Variants in NCL observed in about 807,000 individuals in gnomAD.
NCL encodes nucleolin multifunctional protein.
NCL carries 4 observed loss-of-function variants against 77.7 expected under a neutral mutation model. The ratio of observed to expected loss-of-function variants is 0.05; its 90% CI spans 0.03 to 0.12. The LOEUF is 0.12. Among genes scored for constraint, NCL ranks in the 10% least tolerant of loss-of-function variants. The probability of loss-of-function intolerance (pLI) is 1.00; values close to 1 mark genes in which losing one functional copy is unlikely to be tolerated. For synonymous variants in NCL, 344 were observed against 297.8 expected (o/e 1.16, Z -1.60); for missense variants, 763 against 860.9 (o/e 0.89, Z 1.42).
At position 231,457,777 on chromosome 2, in the gene NCL, G is replaced by A; in HGVS notation, c.1313C>T (p.Thr438Ile). 1 of 1,610,356 alleles carries A rather than the reference G, an allele frequency of 6.2e-7. No individual in the cohort carries two copies. The highest frequency in any genetic ancestry group is 8.5e-7 in the Non-Finnish European group (1 of 1,178,426). Residue 438 changes from threonine (T) to isoleucine (I), a missense_variant, in exon 9 of 14, where the codon ACA (threonine) becomes ATA (isoleucine). Around this residue, in one of 2 missense-constraint regions of NCL, gnomAD observed 590 missense variants for 570.5 expected, o/e 1.03. Transcript: ENST00000322723. ...SKGIAYIEFK[T>I]EADAEKTFEE... ...AAAGGTTTTCTCTGCATCAGCTTCT[G>A]TCTTAAATTCAATATAAGCAATCCT...
rs774489249 is a variant in NCL, at chr2:231,463,335, G to C, written c.19-19C>G. 6 of 1,468,048 alleles carry C rather than the reference G, an allele frequency of 4.1e-6. No individual in the cohort carries two copies. Among genetic ancestry groups the C allele is most frequent in the African/African-American group, 1.4e-5 (1 of 71,548 alleles). 90.9% of individuals were successfully genotyped at this position (1,468,048 alleles called of 1,614,324 possible). ...TACCTGCCTAAAATGGACACAAATA[G>C]ATCATTACACCTCCACCTCGACATT... On this transcript the variant is annotated intron_variant, in intron 1 of 13. Coordinates refer to ENST00000322723, the MANE Select transcript of NCL (RefSeq NM_005381.3).
chr2:231,464,025 G>C, intron 1 of NCL: 1 of 950,552 alleles, frequency 1.1e-6, no homozygotes, highest in Non-Finnish European at 1.3e-6. Flanking sequence ...GTCAGGAGTC[G>C]AGTCCCAGCT....
At chr2:231,456,239 T>G (rs181415034) in intron 11 of NCL, 103 bp from the exon 12 acceptor site, 1 of 1,471,190 alleles carries the variant, frequency 6.8e-7, no homozygotes, top group Non-Finnish European at 9.2e-7. Context: ...CTTGTTATAG[T>G]GAAAAAGCAG....
In NCL at chr2:231,459,005, C is replaced by A. The variant is rs1049612756; in HGVS notation, c.1161G>T (p.Lys387Asn). The change falls in exon 7 of 14, where the codon AAG (lysine) becomes AAT (asparagine). Residue 387 changes from lysine to asparagine, a missense_variant. Lys to Asn is a moderately conservative substitution (Grantham distance 94). Around this residue, in one of 2 missense-constraint regions of NCL, gnomAD observed 590 missense variants for 570.5 expected, o/e 1.03. Coordinates refer to ENST00000322723, the MANE Select transcript of NCL (RefSeq NM_005381.3). ...KLEKPKGKDSKKERDARTLLA... is the reference protein window; with the variant it reads ...KLEKPKGKDSNKERDARTLLA... ...ATCTCATAAAGCCTTACATACCTTT[C>A]TTACTGTCTTTTCCTTTTGGTTTCT... The A allele has an allele frequency of 6.3e-7, 1 of 1,588,566 alleles. No homozygotes were observed. Among genetic ancestry groups the A allele is most frequent in the South Asian group, 1.2e-5 (1 of 86,300 alleles).
chr2:231,458,636 A>G (rs950645768), intron 7 of NCL: 39 of 512,440 alleles, frequency 7.6e-5, no homozygotes, highest in African/African-American at 3.1e-4. Flanking sequence ...GTAGACGCGC[A>G]TAACAAAAAA....
chr2:231,460,363 T>C, intron 5 of NCL, 70 bp from the exon 6 acceptor site: 1 of 1,603,494 alleles, frequency 6.2e-7, no homozygotes, highest in Non-Finnish European at 8.5e-7. Context: ...GCAAAATTTC[T>C]ATACACAGCA....
At chr2:231,455,879 TTC>T in intron 12 of NCL, 129 bp downstream of exon 12, 1 of 1,421,312 alleles carries the variant, frequency 7.0e-7, no homozygotes, top group Non-Finnish European at 9.9e-7. Context: ...TTCTCTCTTC[TTC>T]TCGTGCGAAT....
chr2:231,456,446 G>A (rs199970658), intron 11 of NCL, 185 bp downstream of exon 11: 118 of 1,138,100 alleles, frequency 1.0e-4, no homozygotes, highest in African/African-American at 1.8e-4. Context: ...TGACACAGCT[G>A]GATCAGAACT....
chr2:231,455,350 A>T, intron 13 of NCL, 51 bp downstream of exon 13: 1 of 1,613,366 alleles, frequency 6.2e-7, no homozygotes, highest in South Asian at 1.1e-5. Context: ...GACAGGGCAC[A>T]GGGTCTGAAG....
rs375808034 is a variant in NCL, at chr2:231,460,822, T to G, written c.658A>C (p.Lys220Gln). 7 of 1,614,070 alleles carry G rather than the reference T, an allele frequency of 4.3e-6. No individual in the cohort carries two copies. In the South Asian group the frequency reaches 4.4e-5, roughly 10 times the overall value. Residue 220 changes from lysine to glutamine, a missense_variant, in exon 4 of 14, where the codon AAA (lysine) becomes CAA (glutamine). Physicochemically the swap from Lys to Gln is moderately conservative, Grantham distance 53. Transcript: ENST00000322723. The stretch of plus-strand genomic sequence containing the variant: ...TTCACAGGAACAACTTTTGCAGCTT[T>G]CTTTCCTTTGGCTGGTGTAGTCTCC... Reference protein sequence around the residue: ...AMETTPAKGKKAAKVVPVKAK... With the variant: ...AMETTPAKGKQAAKVVPVKAK...
Position 231,457,140 on chromosome 2 carries a change from C to T in NCL, c.1448-16G>A, listed in dbSNP as rs747287960. On this transcript the variant is annotated splice_polypyrimidine_tract_variant and intron_variant, in intron 9 of 13. Coordinates refer to ENST00000322723, the MANE Select transcript of NCL (RefSeq NM_005381.3). ...TTTGATTCACCTGCAAATAGAGATGCCACATTCCTAAGACTCTGAAACAGT... is the reference window on the plus strand; with the variant it reads ...TTTGATTCACCTGCAAATAGAGATGTCACATTCCTAAGACTCTGAAACAGT... The T allele has an allele frequency of 1.2e-5, 20 of 1,613,382 alleles. No homozygotes were observed. The African/African-American group carries it at 1.7e-4, about 14-fold the overall frequency.
At chr2:231,463,443 CAACT>C (rs1473637509) in intron 1 of NCL, 127 bp from the exon 2 acceptor site, 1 of 737,310 alleles carries the variant, frequency 1.4e-6, no homozygotes, top group South Asian at 1.5e-5. Flanking sequence ...CCAAACACCA[CAACT>C]AACATAGAAA....
In NCL at chr2:231,461,553, G is replaced by A. The variant is rs548571678; in HGVS notation, c.600C>T (p.Asp200=). Residue 200 remains aspartate (D), a synonymous_variant, in exon 3 of 14, where the codon GAC becomes GAT. Coordinates refer to ENST00000322723, the MANE Select transcript of NCL (RefSeq NM_005381.3). ...ACAACTCCTTACCATCTTCCTCATCGTCATCGTCATCCTCATCATCTTCGT... is the reference window on the plus strand; with the variant it reads ...ACAACTCCTTACCATCTTCCTCATCATCATCGTCATCCTCATCATCTTCGT... The part of the protein sequence containing the change: ...EDDEDDEDDD[D]DEEDDSEEEA... 15 of 1,612,800 alleles carry A rather than the reference G, an allele frequency of 9.3e-6. No homozygotes were observed. The highest frequency in any genetic ancestry group is 8.0e-5 in the African/African-American group (6 of 74,796).
intron 1 of NCL, 109 bp from the exon 2 acceptor site, chr2:231,463,425 T>TAA: frequency 1.3e-6 from 1 of 782,264 alleles, no homozygotes; most frequent in Non-Finnish European, 2.2e-6. Flanking sequence ...GATCCATTTC[T>TAA]CATAGTGCCA....
chr2:231,460,982 G>C, intron 3 of NCL, 116 bp from the exon 4 acceptor site: 1 of 870,596 alleles, frequency 1.1e-6, no homozygotes, highest in Non-Finnish European at 1.9e-6. Context: ...GTCATGGCAA[G>C]AATAGATCAC....
In NCL at chr2:231,455,439, C is replaced by T. The variant is rs778923112; in HGVS notation, c.2018G>A (p.Arg673Gln). The T allele has an allele frequency of 7.4e-6, 12 of 1,614,144 alleles. No homozygotes were observed. Among genetic ancestry groups the T allele is most frequent in the Non-Finnish European group, 1.0e-5 (12 of 1,180,016 alleles). Residue 673 changes from arginine (R) to glutamine (Q), a missense_variant, in exon 13 of 14, where the codon CGA becomes CAA. By Grantham distance (43) the Arg-to-Gln change is conservative. This residue lies in a region of NCL where 173 missense variants were observed against 290.4 expected (regional missense o/e 0.60). Coordinates refer to ENST00000322723, the MANE Select transcript of NCL (RefSeq NM_005381.3). ...CCGGCCTCTGCCACCAAATCCTCCT[C>T]GGCCTCCTCTACCACCACCTCGTCC... The part of the protein sequence containing the change: ...FGGRGGGRGG[R>Q]GGFGGRGRGG...
chr2:231,463,335 GATC>G lies in NCL; in HGVS notation c.19-22_19-20del, dbSNP rs1002041908. On this transcript the variant is annotated intron_variant, in intron 1 of 13. Coordinates refer to ENST00000322723, the MANE Select transcript of NCL (RefSeq NM_005381.3). ...TACCTGCCTAAAATGGACACAAATA[GATC>G]ATTACACCTCCACCTCGACATTTCA... 1.4e-6 allele frequency: 2 copies of G among 1,468,048 alleles called. No homozygotes were observed. The highest frequency in any genetic ancestry group is 2.8e-5 in the African/African-American group (2 of 71,548). 90.9% of individuals were successfully genotyped at this position (1,468,048 alleles called of 1,614,324 possible).
Position 231,461,952 on chromosome 2 carries a change from G to T in NCL, c.201C>A (p.Ser67=). Reference sequence around the variant, plus strand: ...TGGCAACTGCAACCTTTTTTGTTGGGGAAACGACCACCTTCTTTGCTGAGG... The same window carrying T: ...TGGCAACTGCAACCTTTTTTGTTGGTGAAACGACCACCTTCTTTGCTGAGG... ...AATSAKKVVV[S]PTKKVAVATP... Residue 67 remains serine (S), a synonymous_variant, in exon 3 of 14, where the codon TCC becomes TCA. Coordinates refer to ENST00000322723, the MANE Select transcript of NCL (RefSeq NM_005381.3). The T allele has an allele frequency of 3.7e-6, 6 of 1,614,122 alleles. No individual in the cohort carries two copies. Among genetic ancestry groups the T allele is most frequent in the Non-Finnish European group, 5.1e-6 (6 of 1,179,990 alleles).
At chr2:231,463,430 G>C (rs754588938) in intron 1 of NCL, 114 bp from the exon 2 acceptor site, 7 of 764,600 alleles carry the variant, frequency 9.2e-6, no homozygotes, top group African/African-American at 3.5e-5. Flanking sequence ...ATTTCTCATA[G>C]TGCCAAACAC....
Sources: allele counts gnomAD v4.1 joint callset, GRCh38; gene constraint gnomAD v4.1.1; regional missense constraint gnomAD v4.1.1; transcripts MANE v1.5; gene names NCBI Gene and HGNC (gene_info 2026-07-23, HGNC 2026-07-21).